The following EML4 variants were observed in gnomAD, a reference collection of about 807,000 sequenced individuals.
EML4 encodes echinoderm microtubule-associated protein-like 4.
Under a neutral mutation model 129.0 loss-of-function variants are expected in EML4, and 72 were observed. That is an observed-to-expected ratio of 0.56 (90% CI 0.46 to 0.68). EML4 has a LOEUF of 0.68. EML4 is among the 30% of genes least tolerant of loss of function. The pLI is 0.00. For synonymous variants in EML4, 532 were observed against 405.0 expected, an observed-to-expected ratio of 1.31 and a Z score of -3.77; for missense variants, 1,363 against 1,190.6, an observed-to-expected ratio of 1.14 and a Z score of -2.13.
At chr2:42,329,586 A>G in intron 22 of EML4, 148 bp from the exon 23 acceptor site, 1 of 634,034 alleles carries the variant, frequency 1.6e-6, no homozygotes, top group Non-Finnish European at 2.8e-6. Flanking sequence ...GGCTAGCCTT[A>G]CTCCTGAGAT....
At chr2:42,309,747 G>C (rs1360044719) in intron 17 of EML4, among the ~76,000 whole-genome samples, 1 of 148,708 alleles carries the variant, frequency 6.7e-6, no homozygotes, top group Non-Finnish European at 1.5e-5. Flanking sequence ...TGGGTTGTCT[G>C]TTCTTGTAAG....
At chr2:42,287,068 A>G (rs1198854106) in intron 10 of EML4, among the ~76,000 whole-genome samples, 1 of 152,212 alleles carries the variant, frequency 6.6e-6, no homozygotes, top group Non-Finnish European at 1.5e-5. Flanking sequence ...AGTTTCAAAG[A>G]TAAATACCCC....
chr2:42,181,569 T>A (rs891345398), intron 1 of EML4, among the ~76,000 whole-genome samples: 4 of 152,322 alleles, frequency 2.6e-5, no homozygotes, highest in African/African-American at 9.6e-5. Context: ...GTGCTGGGAT[T>A]ACAGGTGTGA....
At chr2:42,304,402 G>C in intron 16 of EML4, 82 bp from the exon 17 acceptor site, 1 of 941,630 alleles carries the variant, frequency 1.1e-6, no homozygotes, top group Non-Finnish European at 1.7e-6. Context: ...AATGAAACAG[G>C]TTATTTTCAG....
intron 1 of EML4, among the ~76,000 whole-genome samples, chr2:42,193,107 T>C (rs1671697659): frequency 6.6e-6 from 1 of 152,202 alleles, no homozygotes; most frequent in South Asian, 2.1e-4. Flanking sequence ...TTCCATAAGA[T>C]TTTAATACTG....
intron 1 of EML4, among the ~76,000 whole-genome samples, chr2:42,204,102 A>G (rs1178172842): frequency 1.3e-5 from 2 of 152,032 alleles, no homozygotes; most frequent in Non-Finnish European, 2.9e-5. Context: ...AAATTTTTTA[A>G]TAGAGATGGG....
chr2:42,280,911 T>A lies in EML4; in HGVS notation c.729T>A (p.Asp243Glu). Residue 243 changes from aspartate (D) to glutamate (E), a missense_variant, in exon 7 of 23, where the codon GAT becomes GAA. Physicochemically the swap from Asp to Glu is conservative, Grantham distance 45. Transcript: ENST00000318522. ...GRPITMFIPS[D>E]VDNYDDIRTE... Reference sequence around the variant, plus strand: ...CAATTACCATGTTCATTCCTTCCGATGTTGACAACTATGATGACATCAGAA... The same window carrying A: ...CAATTACCATGTTCATTCCTTCCGAAGTTGACAACTATGATGACATCAGAA... 5 of 1,612,818 alleles carry A rather than the reference T, an allele frequency of 3.1e-6. No individual in the cohort carries two copies. The highest frequency in any genetic ancestry group is 1.7e-5 in the Admixed American group (1 of 59,896).
At chr2:42,264,861 T>G (rs901245095) in intron 6 of EML4, 130 bp downstream of exon 6, 2 of 1,511,664 alleles carry the variant, frequency 1.3e-6, no homozygotes, top group Non-Finnish European at 1.8e-6. Flanking sequence ...GTTACTGTAG[T>G]CATTTAGGAA....
At chr2:42,321,516 C>CAT (rs1215319127) in intron 19 of EML4, among the ~76,000 whole-genome samples, 1 of 152,114 alleles carries the variant, frequency 6.6e-6, no homozygotes, top group Non-Finnish European at 1.5e-5. Flanking sequence ...TCCTCAACAT[C>CAT]ATAACATGCT....
At chr2:42,281,874 C>G (rs114083296) in intron 7 of EML4, among the ~76,000 whole-genome samples, 1 of 152,186 alleles carries the variant, frequency 6.6e-6, no homozygotes, top group African/African-American at 2.4e-5. Context: ...TGCCTCCATT[C>G]TCCTGCACTT....
At chr2:42,306,303 G>A (rs1668589583) in intron 17 of EML4, among the ~76,000 whole-genome samples, 2 of 152,094 alleles carry the variant, frequency 1.3e-5, no homozygotes. Context: ...AAAAAAAATG[G>A]TTAAGCACAC....
chr2:42,171,272 T>TA (rs1161038944), intron 1 of EML4, among the ~76,000 whole-genome samples: 1 of 152,186 alleles, frequency 6.6e-6, no homozygotes, highest in African/African-American at 2.4e-5. Flanking sequence ...AGTGTCTTCT[T>TA]AGGGGATGTT....
chr2:42,259,539 C>T (rs562309521), intron 3 of EML4, among the ~76,000 whole-genome samples: 1 of 152,014 alleles, frequency 6.6e-6, no homozygotes, highest in Middle Eastern at 3.4e-3. Context: ...ACCAAACCTA[C>T]CCTCTAAGTA....
At chr2:42,252,148 G>A (rs9808348) in intron 2 of EML4, among the ~76,000 whole-genome samples, 73,597 of 151,952 alleles carry the variant, frequency 0.48, 18,315 homozygotes, top group East Asian at 0.74. Flanking sequence ...TGGAATATGC[G>A]GCAGTTCTTA....
At chr2:42,285,111 G>A (rs188725323) in intron 9 of EML4, among the ~76,000 whole-genome samples, 4 of 151,532 alleles carry the variant, frequency 2.6e-5, no homozygotes, top group Admixed American at 2.0e-4. Flanking sequence ...ATCTCACTTC[G>A]TTGCCCAGGC....
At chr2:42,188,020 A>G (rs894544815) in intron 1 of EML4, among the ~76,000 whole-genome samples, 1 of 152,196 alleles carries the variant, frequency 6.6e-6, no homozygotes, top group Non-Finnish European at 1.5e-5. Flanking sequence ...TAGGGTACAA[A>G]GTCAAGTTTC....
chr2:42,279,578 C>G (rs1339527167), intron 6 of EML4, among the ~76,000 whole-genome samples: 1 of 152,072 alleles, frequency 6.6e-6, no homozygotes, highest in Non-Finnish European at 1.5e-5. Flanking sequence ...CTGCCTCAGC[C>G]TCCCAAGTAG....
At chr2:42,209,681 G>C (rs1376907941) in intron 1 of EML4, among the ~76,000 whole-genome samples, 1 of 152,196 alleles carries the variant, frequency 6.6e-6, no homozygotes, top group African/African-American at 2.4e-5. Flanking sequence ...TGCAATCCCA[G>C]CACTTTGGGA....
At chr2:42,245,073 T>C (rs1675295510) in intron 1 of EML4, among the ~76,000 whole-genome samples, 1 of 148,490 alleles carries the variant, frequency 6.7e-6, no homozygotes, top group South Asian at 2.1e-4. Context: ...TTATGGAGTT[T>C]TTTGTTTTGA....
Sources: allele counts gnomAD v4.1 joint callset (sites outside exome capture counted in the v4.1 genomes callset), GRCh38; gene constraint gnomAD v4.1.1; transcripts MANE v1.5; gene names NCBI Gene and HGNC (gene_info 2026-07-23, HGNC 2026-07-21).